Variants in AGBL4 observed in about 807,000 individuals in gnomAD.
AGBL4 encodes the protein cytosolic carboxypeptidase 6.
AGBL4 carries 58 observed loss-of-function variants against 66.4 expected under a neutral mutation model. That is an observed-to-expected ratio of 0.87 (90% CI 0.71 to 1.09). The LOEUF (loss-of-function observed/expected upper bound fraction) is 1.09. Ranked by LOEUF, AGBL4 falls within the 50% of genes least tolerant of loss-of-function variation. AGBL4 has a pLI of 0.00. For missense variants in AGBL4, 579 were observed against 631.0 expected (o/e 0.92, Z 0.88); for synonymous variants, 234 against 222.9 (o/e 1.05, Z -0.44).
At chr1:48,824,739 C>G (rs907956500) in intron 6 of AGBL4, among the ~76,000 whole-genome samples, 2 of 152,160 alleles carry the variant, frequency 1.3e-5, no homozygotes, top group African/African-American at 4.8e-5. Context: ...GGCTGGGGAG[C>G]TTGGCCTGGA....
intron 4 of AGBL4, among the ~76,000 whole-genome samples, chr1:49,060,678 G>A (rs1644387634): frequency 1.3e-5 from 2 of 152,154 alleles, no homozygotes; most frequent in African/African-American, 4.8e-5. Context: ...GGGTAATACA[G>A]GCTAGGTATA....
intron 3 of AGBL4, among the ~76,000 whole-genome samples, chr1:49,673,730 C>T (rs1470229220): frequency 6.6e-6 from 1 of 151,996 alleles, no homozygotes; most frequent in Non-Finnish European, 1.5e-5. Context: ...TTGACTGCTG[C>T]AGACATTGTA....
chr1:49,454,740 G>A (rs1413941767), intron 3 of AGBL4, among the ~76,000 whole-genome samples: 2 of 151,504 alleles, frequency 1.3e-5, no homozygotes, highest in African/African-American at 2.4e-5. Context: ...TGAGTATAAC[G>A]TGGTCCTTGT....
At chr1:49,485,279 A>G (rs1487123724) in intron 3 of AGBL4, among the ~76,000 whole-genome samples, 1 of 151,944 alleles carries the variant, frequency 6.6e-6, no homozygotes, top group Non-Finnish European at 1.5e-5. Flanking sequence ...ATGCAGCCAT[A>G]AAAAATGATG....
At chr1:49,522,569 C>T (rs1650350196) in intron 3 of AGBL4, among the ~76,000 whole-genome samples, 1 of 152,114 alleles carries the variant, frequency 6.6e-6, no homozygotes, top group Non-Finnish European at 1.5e-5. Flanking sequence ...CAGTAGCTGC[C>T]TTATGATAGA....
intron 2 of AGBL4, among the ~76,000 whole-genome samples, chr1:49,825,942 A>G (rs1645498353): frequency 6.6e-6 from 1 of 152,074 alleles, no homozygotes; most frequent in Non-Finnish European, 1.5e-5. Context: ...GGCCACCCAT[A>G]TAGTAAATAA....
chr1:48,654,716 C>T (rs768433623), intron 7 of AGBL4, among the ~76,000 whole-genome samples: 3 of 152,226 alleles, frequency 2.0e-5, no homozygotes. Flanking sequence ...AATGATAACT[C>T]GCTCCAGAGC....
intron 3 of AGBL4, among the ~76,000 whole-genome samples, chr1:49,442,538 A>G (rs1363103025): frequency 6.6e-6 from 1 of 152,222 alleles, no homozygotes; most frequent in Non-Finnish European, 1.5e-5. Flanking sequence ...ATTTCACTTA[A>G]GAGAATGACC....
chr1:49,926,000 T>G (rs1652730858), intron 1 of AGBL4, among the ~76,000 whole-genome samples: 1 of 152,208 alleles, frequency 6.6e-6, no homozygotes, highest in Admixed American at 6.5e-5. Context: ...TGCCACCTGC[T>G]GACTGTACAG....
At chr1:49,462,850 C>T (rs1646545110) in intron 3 of AGBL4, among the ~76,000 whole-genome samples, 1 of 151,678 alleles carries the variant, frequency 6.6e-6, no homozygotes, top group African/African-American at 2.4e-5. Flanking sequence ...GACATATAAA[C>T]CTCAAGATCC....
chr1:48,591,838 G>A (rs1415553213), intron 9 of AGBL4, among the ~76,000 whole-genome samples: 1 of 152,170 alleles, frequency 6.6e-6, no homozygotes, highest in Middle Eastern at 3.2e-3. Context: ...CACTTTCTTG[G>A]TTCTTATGGT....
Position 49,149,437 on chromosome 1 carries a change from G to A in AGBL4, c.377+96333C>T, listed in dbSNP as rs558398878. 1.2e-3 allele frequency among the ~76,000 whole-genome samples: 187 copies of A among 152,244 alleles called. 2 individuals are homozygous for A. Among genetic ancestry groups the A allele is most frequent in the Non-Finnish European group, 2.5e-4 (17 of 68,018 alleles). ...TCCTTGCTTATTCTTCCTGCTGATGGTGGTATGTGAAAGGCAGTTAACATT... is the reference window on the plus strand; with the variant it reads ...TCCTTGCTTATTCTTCCTGCTGATGATGGTATGTGAAAGGCAGTTAACATT... On this transcript the variant is annotated intron_variant, in intron 4 of 13. Transcript: ENST00000371839.
intron 9 of AGBL4, among the ~76,000 whole-genome samples, chr1:48,609,941 G>C (rs1019989807): frequency 2.0e-5 from 3 of 152,136 alleles, no homozygotes; most frequent in Admixed American, 2.0e-4. Flanking sequence ...CATAGGATGG[G>C]AATAGGAAGA....
chr1:49,249,513 A>C (rs554817865), intron 3 of AGBL4, among the ~76,000 whole-genome samples: 1 of 152,334 alleles, frequency 6.6e-6, no homozygotes, highest in East Asian at 1.9e-4. Flanking sequence ...TCAAAACCAC[A>C]ATGAGGTATC....
intron 5 of AGBL4, among the ~76,000 whole-genome samples, chr1:48,943,849 G>A (rs897869948): frequency 3.9e-5 from 6 of 152,136 alleles, no homozygotes; most frequent in African/African-American, 1.2e-4. Context: ...ACACGTGTGC[G>A]TGGTGTGGTA....
intron 5 of AGBL4, among the ~76,000 whole-genome samples, chr1:48,891,925 A>G (rs1191073943): frequency 6.6e-6 from 1 of 152,170 alleles, no homozygotes; most frequent in African/African-American, 2.4e-5. Context: ...AATAAAGGGA[A>G]GAGCAGAAAT....
At chr1:49,628,010 T>G (rs931935446) in intron 3 of AGBL4, among the ~76,000 whole-genome samples, 1 of 152,190 alleles carries the variant, frequency 6.6e-6, no homozygotes, top group Non-Finnish European at 1.5e-5. Context: ...ATTTTATGAC[T>G]TTGTAGGTCT....
chr1:49,640,591 GA>G (rs542009104), intron 3 of AGBL4, among the ~76,000 whole-genome samples: 1 of 152,104 alleles, frequency 6.6e-6, no homozygotes, highest in African/African-American at 2.4e-5. Flanking sequence ...TCTAAAGATG[GA>G]AAAGCCGTCT....
At chr1:49,286,975 A>G (rs1479940533) in intron 3 of AGBL4, among the ~76,000 whole-genome samples, 1 of 152,158 alleles carries the variant, frequency 6.6e-6, no homozygotes, top group Non-Finnish European at 1.5e-5. Context: ...CTACAAGGCT[A>G]TAGTAACCAA....
Sources: gnomAD v4.1 joint callset for allele counts (sites outside exome capture counted in the v4.1 genomes callset) on GRCh38, gnomAD v4.1.1 for gene constraint, MANE v1.5 for transcripts, NCBI Gene and HGNC (gene_info 2026-07-23, HGNC 2026-07-21) for gene names.